Variants in SLC9D1 observed in about 807,000 individuals in gnomAD.
SLC9D1 encodes putative LAG1-interacting protein.
At chr13:113,523,730 C>T in the SLC9D1 span, among the ~76,000 whole-genome samples, 1 of 152,138 alleles carries the variant, frequency 6.6e-6, no homozygotes, top group African/African-American at 2.4e-5. Flanking sequence ...TTTTAAACTT[C>T]TCATCTTTTC....
chr13:113,502,747 G>T, the SLC9D1 span, among the ~76,000 whole-genome samples: 1 of 152,202 alleles, frequency 6.6e-6, no homozygotes, highest in African/African-American at 2.4e-5. Context: ...GGCGTGCCAG[G>T]GGGTGGGACG....
chr13:113,506,623 C>T, the SLC9D1 span, among the ~76,000 whole-genome samples: 3,831 of 151,814 alleles, frequency 0.025, 99 homozygotes, highest in East Asian at 0.12. Flanking sequence ...AGGGCCAACC[C>T]GTAGGGGAGG....
chr13:113,543,238 T>G, the SLC9D1 span, among the ~76,000 whole-genome samples: 1 of 31,354 alleles, frequency 3.2e-5, no homozygotes, highest in Non-Finnish European at 5.4e-5. Flanking sequence ...CCTGCGCCCC[T>G]ACCCTCCCTG....
the SLC9D1 span, among the ~76,000 whole-genome samples, chr13:113,497,030 G>T: frequency 1.3e-5 from 2 of 152,220 alleles, no homozygotes; most frequent in Non-Finnish European, 2.9e-5. Context: ...AGATTCTCCA[G>T]GTGCCGGTGA....
At chr13:113,547,278 G>C in the SLC9D1 span, 1 of 1,600,914 alleles carries the variant, frequency 6.2e-7, no homozygotes, top group East Asian at 2.2e-5. Context: ...CGGTCGTAAC[G>C]TGTCTGTCCT....
the SLC9D1 span, chr13:113,514,485 G>A: frequency 6.6e-6 from 1 of 150,458 alleles, no homozygotes; most frequent in African/African-American, 2.5e-5. Flanking sequence ...TGAGATCGAC[G>A]CCATCCACAC....
the SLC9D1 span, chr13:113,520,438 C>T: frequency 0.13 from 58,277 of 455,722 alleles, 5,292 homozygotes; most frequent in African/African-American, 0.33. Context: ...GAGCTGAGAT[C>T]GAGCCACTGC....
the SLC9D1 span, chr13:113,499,980 C>A: frequency 6.6e-7 from 1 of 1,519,722 alleles, no homozygotes. Context: ...AATTTTGAGG[C>A]AGTTCTGAGG....
the SLC9D1 span, among the ~76,000 whole-genome samples, chr13:113,533,234 G>A: frequency 2.4e-4 from 37 of 151,694 alleles, no homozygotes; most frequent in Non-Finnish European, 1.0e-4. Context: ...TTCTGTGGCC[G>A]TTGTTGATCC....
At chr13:113,536,640 C>T in the SLC9D1 span, 2 of 943,022 alleles carry the variant, frequency 2.1e-6, no homozygotes, top group Non-Finnish European at 2.5e-6. Flanking sequence ...GGTTTTCTCG[C>T]TCTCTGGGCA....
the SLC9D1 span, chr13:113,539,205 A>G: frequency 1.5e-6 from 1 of 657,016 alleles, no homozygotes; most frequent in Non-Finnish European, 2.5e-6. This position sits in a 1 kb window ranked among gnomAD's most constrained non-coding sequence, Gnocchi z 4.8. Flanking sequence ...CAGACCCAGC[A>G]GACGACCCAG....
At chr13:113,522,450 C>G in the SLC9D1 span, among the ~76,000 whole-genome samples, 1 of 152,336 alleles carries the variant, frequency 6.6e-6, no homozygotes, top group Non-Finnish European at 1.5e-5. Context: ...ACGCCATTCT[C>G]CTGCCTCAGC....
the SLC9D1 span, among the ~76,000 whole-genome samples, chr13:113,497,537 CAGCTGTGCGAGACTTGT>C: frequency 5.6e-4 from 63 of 111,832 alleles, 1 homozygote; most frequent in African/African-American, 8.6e-4. Flanking sequence ...GTGAGACCTG[CAGCTGTGCGAGACTTGT>C]AGCTGTGTGA....
chr13:113,532,055 G>A, the SLC9D1 span, among the ~76,000 whole-genome samples: 1 of 152,216 alleles, frequency 6.6e-6, no homozygotes, highest in Non-Finnish European at 1.5e-5. Context: ...TAGCAGTGGG[G>A]ATCGTACAGC....
chr13:113,548,588 G>T, the SLC9D1 span: 5 of 918,120 alleles, frequency 5.4e-6, no homozygotes, highest in Non-Finnish European at 1.6e-6. Flanking sequence ...GGCACGCAGA[G>T]GCCTGGCTGC....
At chr13:113,500,172 C>T in the SLC9D1 span, 12 of 1,357,908 alleles carry the variant, frequency 8.8e-6, no homozygotes, top group Middle Eastern at 2.0e-4. Context: ...GGTGGGGATG[C>T]CTGCCTTCCC....
At chr13:113,533,497 A>T in the SLC9D1 span, among the ~76,000 whole-genome samples, 1 of 152,212 alleles carries the variant, frequency 6.6e-6, no homozygotes, top group Admixed American at 6.5e-5. Flanking sequence ...AAGACGGCAG[A>T]TAGTGGATGT....
the SLC9D1 span, among the ~76,000 whole-genome samples, chr13:113,522,985 G>A: frequency 6.6e-6 from 1 of 152,114 alleles, no homozygotes; most frequent in Non-Finnish European, 1.5e-5. Flanking sequence ...AGTTGAACCA[G>A]CCTTGCATAC....
At chr13:113,541,660 G>A in the SLC9D1 span, among the ~76,000 whole-genome samples, 2 of 132,846 alleles carry the variant, frequency 1.5e-5, no homozygotes, top group East Asian at 4.5e-4. Flanking sequence ...CTTTATTACC[G>A]CCGAGATGTG....
Sources: gnomAD v4.1 joint callset for allele counts (sites outside exome capture counted in the v4.1 genomes callset) on GRCh38, gnomAD v4.1.1 for gene constraint, Gnocchi (gnomAD v3.1) non-coding constraint, MANE v1.5 for transcripts, NCBI Gene and HGNC (gene_info 2026-07-23, HGNC 2026-07-21) for gene names.